The following MAP3K20 variants were observed in gnomAD, a reference collection of about 807,000 sequenced individuals.
MAP3K20 encodes the protein mitogen-activated protein kinase kinase kinase 20, also known as HCCS-4.
Under a neutral mutation model 85.7 loss-of-function variants are expected in MAP3K20, and 40 were observed. That is an observed-to-expected ratio of 0.47 (90% CI 0.36 to 0.61). The LOEUF (loss-of-function observed/expected upper bound fraction) is 0.61, where lower values mean the gene tolerates loss of function less well. Ranked by LOEUF, MAP3K20 falls within the 20% of genes least tolerant of loss-of-function variation. MAP3K20 has a pLI of 0.00. For missense variants in MAP3K20, 817 were observed against 961.7 expected, an observed-to-expected ratio of 0.85 and a Z score of 1.99; for synonymous variants, 325 against 327.7, an observed-to-expected ratio of 0.99 and a Z score of 0.09.
chr2:173,213,332 C>T (rs1002438095), intron 10 of MAP3K20, among the ~76,000 whole-genome samples: 5 of 152,124 alleles, frequency 3.3e-5, no homozygotes, highest in Admixed American at 6.5e-5. Context: ...AAGGGGCCTC[C>T]TCATCTTTCA....
At chr2:173,227,769 C>G (rs570389086) in intron 11 of MAP3K20, among the ~76,000 whole-genome samples, 6 of 152,242 alleles carry the variant, frequency 3.9e-5, no homozygotes, top group African/African-American at 1.4e-4. Flanking sequence ...ACTACACATC[C>G]CCTCCCCCCA....
intron 2 of MAP3K20, among the ~76,000 whole-genome samples, chr2:173,136,030 G>A (rs1688789687): frequency 6.6e-6 from 1 of 152,142 alleles, no homozygotes; most frequent in African/African-American, 2.4e-5. Context: ...GATATTCATT[G>A]ACAAACCTGT....
chr2:173,121,034 A>G (rs984418918), intron 2 of MAP3K20, among the ~76,000 whole-genome samples: 1 of 152,080 alleles, frequency 6.6e-6, no homozygotes, highest in Non-Finnish European at 1.5e-5. Flanking sequence ...CTATTCCTTG[A>G]TTACCAAATC....
At chr2:173,199,360 A>G (rs1333168636) in intron 8 of MAP3K20, among the ~76,000 whole-genome samples, 1 of 152,242 alleles carries the variant, frequency 6.6e-6, no homozygotes, top group Non-Finnish European at 1.5e-5. Context: ...AAAAGGAGTT[A>G]TATGCAAGAA....
chr2:173,171,532 C>G (rs1032289769), intron 3 of MAP3K20, among the ~76,000 whole-genome samples: 6 of 152,246 alleles, frequency 3.9e-5, no homozygotes, highest in African/African-American at 1.4e-4. Flanking sequence ...AATTCTTTCT[C>G]CAAGAGTTTA....
chr2:173,206,878 A>C (rs942540274), intron 9 of MAP3K20, among the ~76,000 whole-genome samples: 5 of 152,120 alleles, frequency 3.3e-5, no homozygotes, highest in African/African-American at 7.2e-5. Context: ...TAGCAATTCA[A>C]CCAGAAGTTA....
At chr2:173,218,558 G>C (rs1283632292) in intron 11 of MAP3K20, among the ~76,000 whole-genome samples, 2 of 152,208 alleles carry the variant, frequency 1.3e-5, no homozygotes, top group Admixed American at 1.3e-4. Flanking sequence ...GATCTGCACA[G>C]GAGCAGTGCT....
chr2:173,114,400 G>A (rs1312621114), intron 2 of MAP3K20, among the ~76,000 whole-genome samples: 3 of 152,170 alleles, frequency 2.0e-5, no homozygotes, highest in African/African-American at 4.8e-5. Flanking sequence ...TGTTAGTATT[G>A]AAGTGTGAGG....
At chr2:173,255,817 T>G (rs1045657366) in intron 16 of MAP3K20, among the ~76,000 whole-genome samples, 7 of 152,326 alleles carry the variant, frequency 4.6e-5, no homozygotes, top group Non-Finnish European at 8.8e-5. Flanking sequence ...TCATCTCTTC[T>G]AAGGCTTTTT....
At chr2:173,091,229 C>A in intron 2 of MAP3K20, 39 bp downstream of exon 2, 1 of 1,589,602 alleles carries the variant, frequency 6.3e-7, no homozygotes, top group South Asian at 1.1e-5. Flanking sequence ...GTCACGATAC[C>A]ATTTATGTAA....
At chr2:173,225,849 T>C in intron 11 of MAP3K20, 1 of 984,854 alleles carries the variant, frequency 1.0e-6, no homozygotes, top group Non-Finnish European at 1.2e-6. Context: ...GGTGGCAACT[T>C]GATGAAACAG....
chr2:173,204,145 A>G (rs1045693193), intron 9 of MAP3K20, among the ~76,000 whole-genome samples: 7 of 152,218 alleles, frequency 4.6e-5, no homozygotes, highest in African/African-American at 1.7e-4. Context: ...AGTAATAACT[A>G]TTGCACCTAT....
At chr2:173,175,265 A>G (rs1690119917) in intron 3 of MAP3K20, among the ~76,000 whole-genome samples, 1 of 152,196 alleles carries the variant, frequency 6.6e-6, no homozygotes, top group African/African-American at 2.4e-5. Context: ...GTATCTGAAT[A>G]TAAGTTGACT....
rs3769189 is a variant in MAP3K20 at position 173,127,764 on chromosome 2, C to G, written c.159+36574C>G. 6.8e-3 allele frequency among the ~76,000 whole-genome samples: 1,027 copies of G among 151,858 alleles called. 25 individuals are homozygous for G. Among genetic ancestry groups the G allele is most frequent in the Admixed American group, 0.045 (684 of 15,256 alleles). ...AAAAAAAAAAAGTAAGACATAAAGGCTGCCCCATAATTCATGCATATCAAC... is the reference window on the plus strand; with the variant it reads ...AAAAAAAAAAAGTAAGACATAAAGGGTGCCCCATAATTCATGCATATCAAC... On this transcript the variant is annotated intron_variant, in intron 2 of 19. Coordinates refer to ENST00000375213, the MANE Select transcript of MAP3K20 (RefSeq NM_016653.3).
At chr2:173,095,058 C>T (rs549803590) in intron 2 of MAP3K20, among the ~76,000 whole-genome samples, 22 of 152,222 alleles carry the variant, frequency 1.4e-4, no homozygotes, top group African/African-American at 4.8e-4. Flanking sequence ...TTCCTTTCTT[C>T]CTTTAGTCAA....
intron 9 of MAP3K20, among the ~76,000 whole-genome samples, chr2:173,205,610 A>G (rs931870610): frequency 2.0e-5 from 3 of 152,154 alleles, no homozygotes; most frequent in African/African-American, 7.2e-5. Flanking sequence ...AACTTGGAAG[A>G]ATTTGTTGCT....
chr2:173,234,384 A>C (rs566578521), intron 14 of MAP3K20, among the ~76,000 whole-genome samples: 1 of 152,312 alleles, frequency 6.6e-6, no homozygotes, highest in South Asian at 2.1e-4. Flanking sequence ...TAATTGTGAG[A>C]CTGGGCCTAT....
At chr2:173,261,271 C>A in intron 18 of MAP3K20, 134 bp downstream of exon 18, 1 of 801,342 alleles carries the variant, frequency 1.2e-6, no homozygotes, top group Non-Finnish European at 1.9e-6. Context: ...AACCAACCAA[C>A]ATGAACATAG....
intron 2 of MAP3K20, among the ~76,000 whole-genome samples, chr2:173,141,748 G>T (rs1228936354): frequency 6.6e-6 from 1 of 152,066 alleles, no homozygotes; most frequent in African/African-American, 2.4e-5. Context: ...AATTAAAAAT[G>T]AAAACCAGAA....
Sources: allele counts gnomAD v4.1 joint callset (sites outside exome capture counted in the v4.1 genomes callset), GRCh38; gene constraint gnomAD v4.1.1; transcripts MANE v1.5; gene names NCBI Gene and HGNC (gene_info 2026-07-23, HGNC 2026-07-21).